The following TLCD3A variants were observed in gnomAD, a reference collection of about 807,000 sequenced individuals.
TLCD3A encodes TLC domain-containing protein 3A.
In TLCD3A, 17 loss-of-function variants were observed where a neutral mutation model predicts 29.9. The ratio of observed to expected loss-of-function variants is 0.57; its 90% CI spans 0.39 to 0.85. The LOEUF (loss-of-function observed/expected upper bound fraction) is 0.85. Among genes scored for constraint, TLCD3A ranks in the 40% least tolerant of loss-of-function variants. TLCD3A has a pLI of 0.00. For missense variants in TLCD3A, 332 were observed against 350.8 expected, an observed-to-expected ratio of 0.95 and a Z score of 0.43; for synonymous variants, 143 against 147.7, an observed-to-expected ratio of 0.97 and a Z score of 0.23.
At chr17:733,675 C>G (rs1055422587) in intron 2 of TLCD3A, among the ~76,000 whole-genome samples, 5 of 152,214 alleles carry the variant, frequency 3.3e-5, no homozygotes, top group African/African-American at 1.2e-4. Flanking sequence ...GTACGTCTAT[C>G]AGAGGTCAGT....
In TLCD3A at chr17:741,465, C is replaced by T. The variant is rs769374089; in HGVS notation, c.669C>T (p.Asn223=). The change falls in exon 5 of 5, where the codon AAC becomes AAT. Residue 223 remains asparagine (N), a synonymous_variant. Transcript: ENST00000308278. ...CCTTCAGCATCCCATTCTACTGCAACGTGGCCAATGCCTTCCTCGTAGCTC... is the reference window on the plus strand; with the variant it reads ...CCTTCAGCATCCCATTCTACTGCAATGTGGCCAATGCCTTCCTCGTAGCTC... ...QVPFSIPFYC[N]VANAFLVAPQ... is the part of the protein sequence containing the mutation. 2.2e-5 allele frequency: 35 copies of T among 1,614,094 alleles called. No individual in the cohort carries two copies. Among genetic ancestry groups the T allele is most frequent in the South Asian group, 8.8e-5 (8 of 91,090 alleles).
intron 4 of TLCD3A, among the ~76,000 whole-genome samples, 188 bp from the exon 5 acceptor site, chr17:741,113 T>C (rs1974246326): frequency 6.6e-6 from 1 of 152,198 alleles, no homozygotes; most frequent in African/African-American, 2.4e-5. Context: ...AATATGATAG[T>C]GTTCAAGAAT....
Position 742,918 on chromosome 17 carries a change from G to GT in TLCD3A, c.*1349dup, listed in dbSNP as rs1332726819. 1 of 151,996 alleles carries GT rather than the reference G, an allele frequency of 6.6e-6. No homozygotes were observed. The highest frequency in any genetic ancestry group is 6.6e-5 in the Admixed American group (1 of 15,250). 9.4% of individuals were successfully genotyped at this position (151,996 alleles called of 1,614,324 possible). On this transcript the variant is annotated 3_prime_UTR_variant, in exon 5 of 5. Coordinates refer to ENST00000308278, the MANE Select transcript of TLCD3A (RefSeq NM_024792.3). Reference sequence around the variant, plus strand: ...TTGTCTTTTTTTTTTAACTATCAGTGTATCTTTAAAAGTCACCCTTACGGT... The same window carrying GT: ...TTGTCTTTTTTTTTTAACTATCAGTGTTATCTTTAAAAGTCACCCTTACGGT...
intron 2 of TLCD3A, among the ~76,000 whole-genome samples, chr17:734,202 A>T (rs1486417753): frequency 6.6e-6 from 1 of 151,404 alleles, no homozygotes; most frequent in Non-Finnish European, 1.5e-5. Flanking sequence ...TTTTTTTTTT[A>T]AAGACAGGGT....
At position 733,155 on chromosome 17, in the gene TLCD3A, C is replaced by A; in HGVS notation, c.180C>A (p.Arg60=). 1 of 1,576,086 alleles carries A rather than the reference C, an allele frequency of 6.3e-7. No individual in the cohort carries two copies. The highest frequency in any genetic ancestry group is 2.4e-5 in the East Asian group (1 of 41,034). The change falls in exon 2 of 5, where the codon CGC becomes CGA. Residue 60 remains arginine, a synonymous_variant. Coordinates refer to ENST00000308278, the MANE Select transcript of TLCD3A (RefSeq NM_024792.3). ...LATGSGIVII[R]SCDDVITGRH... ...CCGGCTCGGGGATCGTCATCATTCG[C>A]TCCTGCGACGACGTGATCACCGGCA...
intron 3 of TLCD3A, 82 bp from the exon 4 acceptor site, chr17:740,423 T>C: frequency 9.6e-7 from 1 of 1,040,250 alleles, no homozygotes; most frequent in Non-Finnish European, 1.5e-6. Context: ...CAGTTACCCT[T>C]TTCAGTAGCC....
At position 732,750 on chromosome 17, in the gene TLCD3A, T is replaced by A; in HGVS notation, c.103T>A (p.Cys35Ser). The A allele has an allele frequency of 6.9e-7, 1 of 1,454,462 alleles. No homozygotes were observed. Among genetic ancestry groups the A allele is most frequent in the Non-Finnish European group, 9.0e-7 (1 of 1,105,780 alleles). 90.1% of individuals were successfully genotyped at this position (1,454,462 alleles called of 1,614,324 possible). ...RSQPGWSRTD[C>S]VMISTRLVSS... Reference sequence around the variant, plus strand: ...CCAGCCCGGATGGAGCCGCACCGACTGCGTGATGATCAGCACCAGGTACCG... The same window carrying A: ...CCAGCCCGGATGGAGCCGCACCGACAGCGTGATGATCAGCACCAGGTACCG... Residue 35 changes from cysteine to serine, a missense_variant, in exon 1 of 5, where the codon TGC (cysteine) becomes AGC (serine). By Grantham distance (112) the Cys-to-Ser change is moderately radical. Transcript: ENST00000308278.
intron 3 of TLCD3A, among the ~76,000 whole-genome samples, chr17:738,255 C>A (rs920932960): frequency 9.9e-5 from 15 of 151,970 alleles, no homozygotes; most frequent in African/African-American, 3.6e-4. Flanking sequence ...ACCACCACGC[C>A]CGGCTAATGT....
chr17:734,887 C>T (rs931634474), intron 2 of TLCD3A, among the ~76,000 whole-genome samples: 14 of 151,678 alleles, frequency 9.2e-5, no homozygotes, highest in African/African-American at 2.9e-4. Context: ...CTGGCTCTGT[C>T]ACCCACGCTG....
intron 3 of TLCD3A, among the ~76,000 whole-genome samples, chr17:738,580 T>A (rs1453964834): frequency 3.3e-5 from 5 of 152,024 alleles, no homozygotes; most frequent in Non-Finnish European, 7.4e-5. Flanking sequence ...TCAACATACT[T>A]TTTCTTTTTT....
At chr17:736,613 C>A (rs1386570064) in intron 2 of TLCD3A, among the ~76,000 whole-genome samples, 1 of 152,152 alleles carries the variant, frequency 6.6e-6, no homozygotes, top group Non-Finnish European at 1.5e-5. Context: ...TGTAATGTGG[C>A]CCTTGAGCTC....
In TLCD3A at chr17:738,096, C is replaced by CTTTTTTTTTAT; in HGVS notation, c.408+58_408+59insATTTTTTTTTT. On this transcript the variant is annotated intron_variant, in intron 3 of 4. Transcript: ENST00000308278. ...CCAGCAGCTGGGTTGAGCTGGGTGT[C>CTTTTTTTTTAT]TTTTTTTTTTTTTTTTTCTGAGACA... 3 of 501,830 alleles carry CTTTTTTTTTAT rather than the reference C, an allele frequency of 6.0e-6. 1 individual carries two copies. In the East Asian group the frequency reaches 1.7e-4, roughly 28 times the overall value. 31.1% of individuals were successfully genotyped at this position (501,830 alleles called of 1,614,324 possible). A position where few individuals can be genotyped will look rare whatever the true frequency, so the allele number is the denominator to read the frequency against.
intron 2 of TLCD3A, among the ~76,000 whole-genome samples, chr17:737,010 T>G (rs1567770053): frequency 6.7e-6 from 1 of 149,660 alleles, no homozygotes; most frequent in African/African-American, 2.5e-5. Context: ...CTTTTTGGGT[T>G]TTTTTGTTTT....
intron 2 of TLCD3A, among the ~76,000 whole-genome samples, chr17:735,877 C>T (rs903048357): frequency 2.0e-5 from 3 of 150,154 alleles, no homozygotes; most frequent in African/African-American, 4.9e-5. Flanking sequence ...CGGGAGGCTG[C>T]GGCAGGAGAA....
At chr17:740,747 G>GA (rs1974239711) in intron 4 of TLCD3A, 147 bp downstream of exon 4, 1 of 819,622 alleles carries the variant, frequency 1.2e-6, no homozygotes, top group East Asian at 2.5e-5. Context: ...ATGTATGAAT[G>GA]AATGGCAGAG....
intron 2 of TLCD3A, among the ~76,000 whole-genome samples, chr17:735,346 C>A (rs1018891458): frequency 4.6e-5 from 7 of 152,180 alleles, no homozygotes; most frequent in African/African-American, 1.4e-4. Flanking sequence ...ATCTTCACTG[C>A]AGTTTTGACA....
At chr17:740,270 A>T (rs1443771052) in intron 3 of TLCD3A, among the ~76,000 whole-genome samples, 1 of 152,154 alleles carries the variant, frequency 6.6e-6, no homozygotes, top group Non-Finnish European at 1.5e-5. Context: ...GGCTGTCATC[A>T]AAATTCAGAG....
chr17:735,878 G>T (rs776407645), intron 2 of TLCD3A, among the ~76,000 whole-genome samples: 1 of 151,498 alleles, frequency 6.6e-6, no homozygotes, highest in Non-Finnish European at 1.5e-5. Flanking sequence ...GGGAGGCTGC[G>T]GCAGGAGAAT....
At chr17:736,570 T>C (rs1343959467) in intron 2 of TLCD3A, among the ~76,000 whole-genome samples, 1 of 152,228 alleles carries the variant, frequency 6.6e-6, no homozygotes, top group East Asian at 1.9e-4. Flanking sequence ...AAAACTGTCT[T>C]TTGACCTAGC....
Sources: allele counts gnomAD v4.1 joint callset (sites outside exome capture counted in the v4.1 genomes callset), GRCh38; gene constraint gnomAD v4.1.1; transcripts MANE v1.5; gene names NCBI Gene and HGNC (gene_info 2026-07-23, HGNC 2026-07-21).